Variants in VPS13A observed in about 807,000 individuals in gnomAD.
VPS13A encodes the protein intermembrane lipid transfer protein VPS13A.
A neutral mutation model predicts 390.9 loss-of-function variants in VPS13A; 264 were observed. The ratio of observed to expected loss-of-function variants is 0.68; its 90% confidence interval spans 0.61 to 0.75. The LOEUF is 0.75. VPS13A is among the 30% of genes least tolerant of loss of function. The pLI, the probability that VPS13A is intolerant of heterozygous loss-of-function variation, is 0.00. For missense variants in VPS13A, 3,409 were observed against 3,733.9 expected, an observed-to-expected ratio of 0.91 and a Z score of 2.27; for synonymous variants, 1,231 against 1,227.1, an observed-to-expected ratio of 1.00 and a Z score of -0.07.
At position 77,321,206 on chromosome 9, in the gene VPS13A, A is replaced by C; in HGVS notation, c.5453A>C (p.Asp1818Ala). The change falls in exon 43 of 72, where the codon GAT becomes GCT. Residue 1818 changes from aspartate to alanine, a missense_variant. Physicochemically the swap from Asp to Ala is moderately radical, Grantham distance 126 (BLOSUM62 -2). Transcript: ENST00000360280. ...GCAAAAATGGCCATTGTTGAGTCAG[A>C]TCCTGAAGAAGAAAACTACAAAGTG... is the stretch of plus-strand genomic sequence containing the variant. Reference protein sequence around the residue: ...KKAKMAIVESDPEEENYKVPE... With the variant: ...KKAKMAIVESAPEEENYKVPE... The C allele has an allele frequency of 1.2e-6, 2 of 1,612,754 alleles. No individual in the cohort carries two copies. Among genetic ancestry groups the C allele is most frequent in the Non-Finnish European group, 1.7e-6 (2 of 1,179,186 alleles).
At chr9:77,370,977 C>T (rs1361148100) in intron 66 of VPS13A, 42 bp downstream of exon 66, 3 of 1,614,080 alleles carry the variant, frequency 1.9e-6, no homozygotes, top group South Asian at 1.1e-5. Context: ...TAAGTTGATT[C>T]TGTTTTCATT....
At chr9:77,377,203 GTTTTTTTTT>G (rs61562443) in intron 67 of VPS13A, among the ~76,000 whole-genome samples, 9 of 69,050 alleles carry the variant, frequency 1.3e-4, no homozygotes, top group African/African-American at 2.3e-4. Flanking sequence ...TTTTGATGCT[GTTTTTTTTT>G]TTTTTTTTTT....
intron 38 of VPS13A, 36 bp downstream of exon 38, chr9:77,315,506 A>C (rs564414549): frequency 1.9e-6 from 3 of 1,588,170 alleles, no homozygotes; most frequent in Non-Finnish European, 8.6e-7. Flanking sequence ...TATTTGTTTT[A>C]TTGAAGTGCT....
intron 13 of VPS13A, among the ~76,000 whole-genome samples, chr9:77,223,435 G>T (rs1823334063): frequency 6.6e-6 from 1 of 152,128 alleles, no homozygotes; most frequent in African/African-American, 2.4e-5. Flanking sequence ...GGCTGCTTGT[G>T]CCCAATGGTT....
At position 77,321,192 on chromosome 9, in the gene VPS13A, C is replaced by T. The variant is rs117654083; in HGVS notation, c.5439C>T (p.Ala1813=). 266 of 1,612,254 alleles carry T rather than the reference C, an allele frequency of 1.6e-4. 2 individuals carry two copies. In the East Asian group the frequency reaches 3.5e-3, roughly 21 times the overall value. Residue 1813 remains alanine (A), a synonymous_variant, in exon 43 of 72, where the codon GCC becomes GCT. Coordinates refer to ENST00000360280, the MANE Select transcript of VPS13A (RefSeq NM_033305.3). The part of the protein sequence containing the change: ...GIKMKKKAKM[A]IVESDPEEEN... ...AGATGAAAAAGAAAGCAAAAATGGC[C>T]ATTGTTGAGTCAGATCCTGAAGAAG...
chr9:77,406,731 T>TTTAA (rs962200441), intron 70 of VPS13A, among the ~76,000 whole-genome samples: 3 of 137,052 alleles, frequency 2.2e-5, no homozygotes, highest in African/African-American at 8.1e-5. Flanking sequence ...CTTTTTTTTT[T>TTTAA]TTAATTAGAA....
intron 35 of VPS13A, among the ~76,000 whole-genome samples, chr9:77,311,134 C>G (rs1378776191): frequency 6.6e-6 from 1 of 152,034 alleles, no homozygotes; most frequent in Non-Finnish European, 1.5e-5. Context: ...CTGTGTTACC[C>G]AGGATGGTCT....
At chr9:77,262,719 T>A (rs573875180) in intron 23 of VPS13A, among the ~76,000 whole-genome samples, 2 of 152,298 alleles carry the variant, frequency 1.3e-5, no homozygotes, top group African/African-American at 4.8e-5. Context: ...TTGCTGAGAA[T>A]GATGGTTTCC....
At chr9:77,280,053 C>T (rs1826924511) in intron 26 of VPS13A, 106 bp from the exon 27 acceptor site, 2 of 799,730 alleles carry the variant, frequency 2.5e-6, no homozygotes, top group African/African-American at 3.5e-5. Context: ...GTCCAGAACT[C>T]ATATAGGAAA....
At chr9:77,254,341 A>G (rs1051843785) in intron 22 of VPS13A, among the ~76,000 whole-genome samples, 1 of 152,100 alleles carries the variant, frequency 6.6e-6, no homozygotes, top group Non-Finnish European at 1.5e-5. Context: ...GTTGAAAATC[A>G]TTTATCCATA....
chr9:77,353,310 A>C, intron 53 of VPS13A, 99 bp from the exon 54 acceptor site: 1 of 898,348 alleles, frequency 1.1e-6, no homozygotes, highest in African/African-American at 1.7e-5. Context: ...AGGTGCCATT[A>C]ATAGTCTCAT....
rs150594816 is a variant in VPS13A, at chr9:77,382,078, A to C, written c.9180A>C (p.Gln3060His). The C allele has an allele frequency of 1.2e-6, 2 of 1,605,874 alleles. No individual in the cohort carries two copies. The highest frequency in any genetic ancestry group is 1.7e-6 in the Non-Finnish European group (2 of 1,175,382). ...PYRLRDGTGN[Q>H]MLQVMENGRF... is the part of the protein sequence containing the mutation. ...GGTTGAGGGATGGGACTGGAAATCA[A>C]ATGTTACAGGTAAATTAAGAGCTAT... Residue 3060 changes from glutamine (Q) to histidine (H), a missense_variant, in exon 68 of 72, where the codon CAA (glutamine) becomes CAC (histidine). Gln to His is a conservative substitution (Grantham distance 24). This residue lies in a region of VPS13A where 318 missense variants were observed against 333.7 expected (regional missense o/e 0.95). Transcript: ENST00000360280.
At chr9:77,234,524 T>G (rs1451375120) in intron 17 of VPS13A, among the ~76,000 whole-genome samples, 2 of 152,236 alleles carry the variant, frequency 1.3e-5, no homozygotes, top group Admixed American at 6.5e-5. Flanking sequence ...CATTTTTGAC[T>G]TGGAATATTT....
At position 77,282,302 on chromosome 9, in the gene VPS13A, CTTTT is replaced by C. The variant is rs11316008; in HGVS notation, c.3118+38_3118+41del. 8.8e-6 allele frequency: 12 copies of C among 1,370,620 alleles called. No individual in the cohort carries two copies. The African/African-American group carries it at 1.2e-4, about 13-fold the overall frequency. The allele number at this position is 1,370,620 out of a possible 1,614,324, so 84.9% of individuals were successfully genotyped here. On this transcript the variant is annotated intron_variant, in intron 29 of 71. Transcript: ENST00000360280. ...ATGTTTTTTAAAAATTTAGCATCAA[CTTTT>C]TTTTTTTTTAACCATGTAGGTCAAT...
chr9:77,204,658 A>G (rs560494580), intron 3 of VPS13A, among the ~76,000 whole-genome samples: 8 of 152,106 alleles, frequency 5.3e-5, no homozygotes, highest in African/African-American at 1.4e-4. Context: ...TAAAGGTCTC[A>G]CTCTGTCACC....
At chr9:77,327,020 G>A (rs914949252) in intron 45 of VPS13A, among the ~76,000 whole-genome samples, 1 of 152,160 alleles carries the variant, frequency 6.6e-6, no homozygotes, top group Non-Finnish European at 1.5e-5. Context: ...CAGATTTTCA[G>A]ATCTTGTCTC....
In VPS13A at chr9:77,282,273, AG is replaced by A; in HGVS notation, c.3118+1del. 1 of 1,611,342 alleles carries A rather than the reference AG, an allele frequency of 6.2e-7. No homozygotes were observed. Among genetic ancestry groups the A allele is most frequent in the Non-Finnish European group, 8.5e-7 (1 of 1,179,068 alleles). On this transcript the variant is annotated frameshift_variant and splice_region_variant, in exon 29 of 72. Transcript: ENST00000360280. LOFTEE classifies it high-confidence loss of function. Reference sequence around the variant, plus strand: ...ACAAAGGAGATGTCATTAAAAAATTAGGTATGTTTTTTAAAAATTTAGCATC... The same window carrying A: ...ACAAAGGAGATGTCATTAAAAAATTAGTATGTTTTTTAAAAATTTAGCATC... ...EDKGDVIKKL[A>X]LKLSTNEDII...
intron 71 of VPS13A, among the ~76,000 whole-genome samples, chr9:77,409,845 A>C (rs1834830072): frequency 6.6e-6 from 1 of 151,330 alleles, no homozygotes; most frequent in Non-Finnish European, 1.5e-5. Context: ...TGATGGGGAG[A>C]ATGGAACCAA....
At position 77,225,964 on chromosome 9, in the gene VPS13A, A is replaced by C. The variant is rs900669460; in HGVS notation, c.1200A>C (p.Ile400=). The C allele has an allele frequency of 1.9e-6, 3 of 1,612,346 alleles. No homozygotes were observed. In the African/African-American group the frequency reaches 4.0e-5, roughly 22 times the overall value. The change falls in exon 14 of 72, where the codon ATA becomes ATC. Residue 400 remains isoleucine, a synonymous_variant. Coordinates refer to ENST00000360280, the MANE Select transcript of VPS13A (RefSeq NM_033305.3). ...CCTTGGATGTCTTTAATATAACTATAGCTAGACAGACGGCAGAAGTTGAGG... is the reference window on the plus strand; with the variant it reads ...CCTTGGATGTCTTTAATATAACTATCGCTAGACAGACGGCAGAAGTTGAGG... The part of the protein sequence containing the change: ...EKTLDVFNIT[I]ARQTAEVEVK...
Sources: gnomAD v4.1 joint callset for allele counts (sites outside exome capture counted in the v4.1 genomes callset) on GRCh38, gnomAD v4.1.1 for gene constraint, gnomAD v4.1.1 regional missense constraint, MANE v1.5 for transcripts, NCBI Gene and HGNC (gene_info 2026-07-23, HGNC 2026-07-21) for gene names.